DENND2D: variants seen among roughly 807,000 people sequenced by gnomAD.
DENND2D encodes DENN domain containing 2D, also known as DENN domain-containing protein 2D.
Under a neutral mutation model 59.8 loss-of-function variants are expected in DENND2D, and 37 were observed. That is an observed-to-expected ratio of 0.62 (90% CI 0.48 to 0.81). The LOEUF (loss-of-function observed/expected upper bound fraction) is 0.81, where lower values mean the gene tolerates loss of function less well. Ranked by LOEUF, DENND2D falls within the 40% of genes least tolerant of loss-of-function variation. The probability of loss-of-function intolerance (pLI) is 0.00; values close to 1 mark genes in which losing one functional copy is unlikely to be tolerated. For missense variants in DENND2D, 525 were observed against 579.7 expected (o/e 0.91, Z 0.97); for synonymous variants, 219 against 211.3 (o/e 1.04, Z -0.31).
At chr1:111,197,800 G>A (rs1476212071) in intron 4 of DENND2D, 120 bp downstream of exon 4, 3 of 1,521,774 alleles carry the variant, frequency 2.0e-6, no homozygotes, top group African/African-American at 1.4e-5. Flanking sequence ...CCTGGGCTGT[G>A]CTTTTTCTAC....
chr1:111,194,080 C>T (rs1490464524), intron 7 of DENND2D, among the ~76,000 whole-genome samples: 1 of 152,200 alleles, frequency 6.6e-6, no homozygotes, highest in Non-Finnish European at 1.5e-5. Context: ...GGATTTAAAC[C>T]TCCTAATTCT....
intron 5 of DENND2D, 78 bp downstream of exon 5, chr1:111,197,098 G>A (rs567380210): frequency 1.3e-6 from 2 of 1,484,322 alleles, no homozygotes; most frequent in East Asian, 4.8e-5. Flanking sequence ...GCTCCACTAA[G>A]AGCTTAGTTG....
chr1:111,204,217 C>T (rs1347123963), upstream of DENND2D: 2 of 1,377,728 alleles, frequency 1.5e-6, no homozygotes, highest in Non-Finnish European at 1.9e-6. Context: ...CGCCCTCCAC[C>T]GGGCCCCAGC....
At chr1:111,203,477 G>A (rs1017907613), upstream of DENND2D, among the ~76,000 whole-genome samples, 1 of 152,362 alleles carries the variant, frequency 6.6e-6, no homozygotes, top group South Asian at 2.1e-4. Context: ...ACTGGCTAGT[G>A]GTAAGCCACA....
upstream of DENND2D, among the ~76,000 whole-genome samples, chr1:111,203,087 C>A (rs1658968421): frequency 6.6e-6 from 1 of 152,264 alleles, no homozygotes; most frequent in South Asian, 2.1e-4. Context: ...GCTCCCACCA[C>A]TGCACGGTCC....
intron 11 of DENND2D, among the ~76,000 whole-genome samples, 200 bp downstream of exon 11, chr1:111,187,931 A>G (rs1037969525): frequency 3.3e-5 from 5 of 152,206 alleles, no homozygotes; most frequent in African/African-American, 1.2e-4. Context: ...CTGTTCACTA[A>G]TGGGTAAACC....
intron 9 of DENND2D, 149 bp from the exon 10 acceptor site, chr1:111,188,935 G>A (rs1311077923): frequency 6.6e-6 from 5 of 757,118 alleles, no homozygotes; most frequent in Non-Finnish European, 1.1e-5. Flanking sequence ...GCTGTTTCTT[G>A]GCCTTTAGTT....
At chr1:111,199,023 G>A (rs1034415497) in intron 2 of DENND2D, among the ~76,000 whole-genome samples, 1 of 152,226 alleles carries the variant, frequency 6.6e-6, no homozygotes, top group East Asian at 1.9e-4. Flanking sequence ...AGGGGACAGG[G>A]CCATGTTGAA....
At chr1:111,203,212 T>A (rs1658980235), upstream of DENND2D, among the ~76,000 whole-genome samples, 1 of 152,076 alleles carries the variant, frequency 6.6e-6, no homozygotes, top group Non-Finnish European at 1.5e-5. Flanking sequence ...AGGAGCAGGG[T>A]GTGGCAGGAG....
Position 111,188,359 on chromosome 1 carries a change from T to C in DENND2D, c.1111A>G (p.Ile371Val). ...GINELKTAEQ[I>V]NEHVSGPFVQ... ...AAGGGGCCTGAAACATGCTCGTTGATTTGTTCTGCAGCTGCAGGAGATATA... is the reference window on the plus strand; with the variant it reads ...AAGGGGCCTGAAACATGCTCGTTGACTTGTTCTGCAGCTGCAGGAGATATA... The change falls in exon 11 of 12, where the codon ATC becomes GTC. Residue 371 changes from isoleucine (I) to valine (V), a missense_variant. By Grantham distance (29) the Ile-to-Val change is conservative. Transcript: ENST00000357640. The C allele has an allele frequency of 6.2e-7, 1 of 1,613,646 alleles. No individual in the cohort carries two copies. The highest frequency in any genetic ancestry group is 8.5e-7 in the Non-Finnish European group (1 of 1,179,910).
At chr1:111,202,686 G>T (rs1571207095), upstream of DENND2D, among the ~76,000 whole-genome samples, 1 of 101,898 alleles carries the variant, frequency 9.8e-6, no homozygotes, top group South Asian at 3.5e-4. Flanking sequence ...ATCACTCCTT[G>T]TCACCAGGAT....
rs1240650471 is a variant in DENND2D at position 111,187,183 on chromosome 1, G to C, written c.*422C>G. On this transcript the variant is annotated 3_prime_UTR_variant, in exon 12 of 12. Transcript: ENST00000357640. ...AAGCCAAAGACACATATAAAAATAA[G>C]ATTTTCCTCTTTACTCTCGTCCTTA... The C allele has an allele frequency of 6.2e-6, 1 of 160,036 alleles. No homozygotes were observed. Among genetic ancestry groups the C allele is most frequent in the Non-Finnish European group, 1.4e-5 (1 of 73,042 alleles). The allele number at this position is 160,036 out of a possible 1,614,324, so 9.9% of individuals were successfully genotyped here.
chr1:111,186,945 T>C lies in DENND2D; in HGVS notation c.*660A>G, dbSNP rs547971971. On this transcript the variant is annotated 3_prime_UTR_variant, in exon 12 of 12. Transcript: ENST00000357640. ...CAGGATTCTGGAAAGCACACCTGAC[T>C]CCAAACCAAGGACTTAGATGCCCTG... Among the ~76,000 whole-genome samples the C allele has an allele frequency of 3.9e-5, 6 of 152,256 alleles. No homozygotes were observed. The highest frequency in any genetic ancestry group is 1.4e-4 in the African/African-American group (6 of 41,566).
Position 111,197,176 on chromosome 1 carries a change from C to G in DENND2D, c.504G>C (p.Lys168Asn). ...SCIGCFGLFS[K>N]ILDEVEKRHQ... ...AGGCCCTGAGGAATCCTATCCCTAC[C>G]TTGGAGAACAAGCCGAAGCAGCCGA... Residue 168 changes from lysine (K) to asparagine (N), a missense_variant and splice_region_variant, in exon 5 of 12, where the codon AAG becomes AAC. Lys to Asn is a moderately conservative substitution (Grantham distance 94). This residue lies in a region of DENND2D where 253 missense variants were observed against 246.4 expected (regional missense o/e 1.03). Coordinates refer to ENST00000357640, the MANE Select transcript of DENND2D (RefSeq NM_024901.5). 1 of 1,612,758 alleles carries G rather than the reference C, an allele frequency of 6.2e-7. No individual in the cohort carries two copies. Among genetic ancestry groups the G allele is most frequent in the Non-Finnish European group, 8.5e-7 (1 of 1,179,658 alleles).
At chr1:111,195,030 G>T in intron 6 of DENND2D, 1 of 373,150 alleles carries the variant, frequency 2.7e-6, no homozygotes, top group Admixed American at 4.0e-5. Context: ...TTCACAGTGA[G>T]GGCCCTCCTC....
In DENND2D at chr1:111,189,216, A is replaced by G; in HGVS notation, c.1010T>C (p.Met337Thr). ...LVNLCEGTFL[M>T]SVGDEKDILP... Reference sequence around the variant, plus strand: ...GATCTGAACCCAGACACTTACCGACATTAAGAAGGTTCCTTCACAAAGATT... The same window carrying G: ...GATCTGAACCCAGACACTTACCGACGTTAAGAAGGTTCCTTCACAAAGATT... The change falls in exon 9 of 12, where the codon ATG becomes ACG. Residue 337 changes from methionine to threonine, a missense_variant. Met to Thr is a moderately conservative substitution (Grantham distance 81, BLOSUM62 -1). Coordinates refer to ENST00000357640, the MANE Select transcript of DENND2D (RefSeq NM_024901.5). 3 of 1,614,230 alleles carry G rather than the reference A, an allele frequency of 1.9e-6. No homozygotes were observed. The highest frequency in any genetic ancestry group is 1.7e-5 in the Admixed American group (1 of 60,026).
rs140940039 is a variant in DENND2D at position 111,189,866 on chromosome 1, T to C, written c.973-613A>G. ...GCTTGCAACATCTTATGTACAATTTTCTATTAGAAAAACTCCTGCCTCTCG... is the reference window on the plus strand; with the variant it reads ...GCTTGCAACATCTTATGTACAATTTCCTATTAGAAAAACTCCTGCCTCTCG... On this transcript the variant is annotated intron_variant, in intron 8 of 11. Transcript: ENST00000357640. 4.6e-5 allele frequency among the ~76,000 whole-genome samples: 7 copies of C among 152,300 alleles called. No individual in the cohort carries two copies. In the East Asian group the frequency reaches 1.4e-3, roughly 29 times the overall value.
chr1:111,196,858 T>G, intron 5 of DENND2D: 3 of 311,062 alleles, frequency 9.6e-6, no homozygotes, highest in Non-Finnish European at 1.2e-5. Context: ...GAAGGTGAGA[T>G]TATTATATCC....
In DENND2D at chr1:111,192,108, C is replaced by G. The variant is rs202089781; in HGVS notation, c.972+32G>C. Reference sequence around the variant, plus strand: ...GATCTGAATCCCACTCTACCTGGCTCCAAATCATGCACTCTTCTTGCCACA... The same window carrying G: ...GATCTGAATCCCACTCTACCTGGCTGCAAATCATGCACTCTTCTTGCCACA... On this transcript the variant is annotated intron_variant, in intron 8 of 11. Coordinates refer to ENST00000357640, the MANE Select transcript of DENND2D (RefSeq NM_024901.5). 3.9e-4 allele frequency: 591 copies of G among 1,524,550 alleles called. 2 individuals are homozygous for G. Among genetic ancestry groups the G allele is most frequent in the Middle Eastern group, 2.6e-3 (15 of 5,696 alleles). 94.4% of individuals were successfully genotyped at this position (1,524,550 alleles called of 1,614,324 possible).
Sources: allele counts gnomAD v4.1 joint callset (sites outside exome capture counted in the v4.1 genomes callset), GRCh38; gene constraint gnomAD v4.1.1; regional missense constraint gnomAD v4.1.1; transcripts MANE v1.5; gene names NCBI Gene and HGNC (gene_info 2026-07-23, HGNC 2026-07-21).